The following CORO1A variants were observed in gnomAD, a reference collection of about 807,000 sequenced individuals.
The protein encoded by CORO1A is coronin-1A.
In CORO1A, 17 loss-of-function variants were observed where a neutral mutation model predicts 44.1. The observed-to-expected ratio is 0.39, with a 90% CI of 0.26 to 0.58. The LOEUF (loss-of-function observed/expected upper bound fraction) is 0.58, where lower values mean the gene tolerates loss of function less well. CORO1A is among the 20% of genes least tolerant of loss of function. The probability of loss-of-function intolerance (pLI) is 0.62; values close to 1 mark genes in which losing one functional copy is unlikely to be tolerated. For synonymous variants in CORO1A, 271 were observed against 244.2 expected (o/e 1.11, Z -1.02); for missense variants, 415 against 606.5 (o/e 0.68, Z 3.32).
At chr16:30,185,524 C>A in intron 2 of CORO1A, 117 bp downstream of exon 2, 1 of 860,982 alleles carries the variant, frequency 1.2e-6, no homozygotes, top group Non-Finnish European at 1.8e-6. Context: ...ATCTGGAAAA[C>A]TGAGCTGGGC....
At position 30,187,143 on chromosome 16, in the gene CORO1A, C is replaced by T; in HGVS notation, c.556C>T (p.Arg186Ter). ...PDTIYSVDWS[R>*]DGGLICTSCR... is the part of the protein sequence containing the mutation. ...CACGATCTACAGTGTGGACTGGAGC[C>T]GAGATGGAGGCCTCATTTGTACCTC... Residue 186 changes from arginine to a stop codon, truncating the protein, a stop_gained, in exon 5 of 11, where the codon CGA becomes TGA. Transcript: ENST00000219150. LOFTEE classifies it high-confidence loss of function. The T allele has an allele frequency of 6.2e-7, 1 of 1,614,052 alleles. No individual in the cohort carries two copies. The highest frequency in any genetic ancestry group is 8.5e-7 in the Non-Finnish European group (1 of 1,180,006).
rs2073358593 is a variant in CORO1A, at chr16:30,187,712, C to T, written c.757-13C>T. Reference sequence around the variant, plus strand: ...CCAGGGCCTGGGATGTTACCTCTCACCTGTGTCTACAGAAGCACCTGGAGG... The same window carrying T: ...CCAGGGCCTGGGATGTTACCTCTCATCTGTGTCTACAGAAGCACCTGGAGG... On this transcript the variant is annotated splice_polypyrimidine_tract_variant and intron_variant, in intron 6 of 10. Coordinates refer to ENST00000219150, the MANE Select transcript of CORO1A (RefSeq NM_007074.4). 1.9e-6 allele frequency: 3 copies of T among 1,597,336 alleles called. No individual in the cohort carries two copies. The highest frequency in any genetic ancestry group is 2.6e-6 in the Non-Finnish European group (3 of 1,166,210).
At position 30,183,778 on chromosome 16, in the gene CORO1A, G is replaced by A. The variant is rs1296710055; in HGVS notation, c.-2+53G>A. The A allele has an allele frequency of 6.6e-6, 1 of 151,666 alleles. No individual in the cohort carries two copies. The highest frequency in any genetic ancestry group is 1.5e-5 in the Non-Finnish European group (1 of 67,906). 9.4% of individuals were successfully genotyped at this position (151,666 alleles called of 1,614,324 possible). ...GGGCCGGGGCGAGGGCCACCTGTGG[G>A]GCGGCGCGCGCGTGGGAGCCGCGGG... On this transcript the variant is annotated intron_variant, in intron 1 of 10. Coordinates refer to ENST00000219150, the MANE Select transcript of CORO1A (RefSeq NM_007074.4). The surrounding 1 kb of genome is among the most constrained non-coding windows in gnomAD (Gnocchi z 5.0).
In CORO1A at chr16:30,187,209, G is replaced by C; in HGVS notation, c.622G>C (p.Gly208Arg). 1 of 1,612,842 alleles carries C rather than the reference G, an allele frequency of 6.2e-7. No homozygotes were observed. Among genetic ancestry groups the C allele is most frequent in the Non-Finnish European group, 8.5e-7 (1 of 1,180,026 alleles). The change falls in exon 5 of 11, where the codon GGC (glycine) becomes CGC (arginine). Residue 208 changes from glycine (G) to arginine (R), a missense_variant. This residue lies in a region of CORO1A where 325 missense variants were observed against 521.7 expected (regional missense o/e 0.62). Transcript: ENST00000219150. Reference sequence around the variant, plus strand: ...CGTGCGCATCATCGAGCCCCGCAAAGGCACTGTCGTAGCTGTGAGTCGCCA... The same window carrying C: ...CGTGCGCATCATCGAGCCCCGCAAACGCACTGTCGTAGCTGTGAGTCGCCA... ...KRVRIIEPRK[G>R]TVVAEKDRPH...
chr16:30,187,862 T>C, intron 7 of CORO1A, 33 bp downstream of exon 7: 2 of 140,630 alleles, frequency 1.4e-5, no homozygotes, highest in African/African-American at 1.5e-4. Flanking sequence ...GGGTGGGAGG[T>C]GGGCAGGATG....
intron 2 of CORO1A, chr16:30,185,631 C>T: frequency 1.7e-6 from 1 of 595,722 alleles, no homozygotes. Flanking sequence ...ACACCAGTGA[C>T]CAGGACTACA....
At position 30,185,323 on chromosome 16, in the gene CORO1A, C is replaced by T; in HGVS notation, c.114C>T (p.Gly38=). 6.2e-7 allele frequency: 1 copy of T among 1,614,218 alleles called. No individual in the cohort carries two copies. Residue 38 remains glycine (G), a synonymous_variant, in exon 2 of 11, where the codon GGC becomes GGT. Coordinates refer to ENST00000219150, the MANE Select transcript of CORO1A (RefSeq NM_007074.4). ...VRVSQTTWDS[G]FCAVNPKFVA... ...TCTCACAGACCACCTGGGACAGTGG[C>T]TTCTGTGCTGTCAACCCTAAGTTTG... is the stretch of plus-strand genomic sequence containing the variant.
intron 1 of CORO1A, 38 bp from the exon 2 acceptor site, chr16:30,185,171 C>A: frequency 6.2e-7 from 1 of 1,605,894 alleles, no homozygotes; most frequent in Non-Finnish European, 8.5e-7. Context: ...TCAGAGTTGA[C>A]CTGAAGGGAG....
chr16:30,187,506 G>T lies in CORO1A; in HGVS notation c.756+5G>T. 1 of 1,602,408 alleles carries T rather than the reference G, an allele frequency of 6.2e-7. No homozygotes were observed. ...CAGGTGGCGCTGTGGGACACAGTGA[G>T]TGCTGGGGCAGGAAGCCGAGGGCCC... On this transcript the variant is annotated splice_donor_5th_base_variant and intron_variant, in intron 6 of 10. Coordinates refer to ENST00000219150, the MANE Select transcript of CORO1A (RefSeq NM_007074.4).
At chr16:30,186,475 G>C in intron 2 of CORO1A, 123 bp from the exon 3 acceptor site, 47 of 1,097,050 alleles carry the variant, frequency 4.3e-5, no homozygotes, top group Non-Finnish European at 6.1e-5. Flanking sequence ...CCCCACCCCA[G>C]GCCCTGGTCC....
rs988696798 is a variant in CORO1A, at chr16:30,184,828, C to T, written c.-1-381C>T. ...CTGGACACGGTAACTAAGAGAGAAC[C>T]CACCCTCGGAGCCATCTGGGCTGAT... On this transcript the variant is annotated intron_variant, in intron 1 of 10. Coordinates refer to ENST00000219150, the MANE Select transcript of CORO1A (RefSeq NM_007074.4). The surrounding 1 kb of genome is among the most constrained non-coding windows in gnomAD (Gnocchi z 4.3). The T allele has an allele frequency of 2.8e-6, 1 of 352,106 alleles. No homozygotes were observed. The highest frequency in any genetic ancestry group is 2.1e-5 in the African/African-American group (1 of 47,232). 21.8% of individuals were successfully genotyped at this position (352,106 alleles called of 1,614,324 possible).
Position 30,185,392 on chromosome 16 carries a change from G to A in CORO1A, c.183G>A (p.Val61=), listed in dbSNP as rs752458456. ...CEASGGGAFL[V]LPLGKTGRVD... ...CCAGCGGGGGAGGGGCCTTCCTGGT[G>A]CTGCCCCTGGGCAAGGTGAGCCCCT... Residue 61 remains valine (V), a synonymous_variant, in exon 2 of 11, where the codon GTG becomes GTA. Coordinates refer to ENST00000219150, the MANE Select transcript of CORO1A (RefSeq NM_007074.4). The A allele has an allele frequency of 2.5e-6, 4 of 1,613,600 alleles. No homozygotes were observed. In the South Asian group the frequency reaches 3.3e-5, roughly 13 times the overall value.
chr16:30,187,859 A>AGGGGGGGGGGGGGGGGGGGGGGGGGG, intron 7 of CORO1A, 30 bp downstream of exon 7: 1 of 215,460 alleles, frequency 4.6e-6, no homozygotes, highest in Non-Finnish European at 6.7e-6. Context: ...TGGGGGTGGG[A>AGGGGGGGGGGGGGGGGGGGGGGGGGG]GGTGGGCAGG....
chr16:30,186,836 G>C lies in CORO1A; in HGVS notation c.342G>C (p.Gly114=). 1 of 1,611,326 alleles carries C rather than the reference G, an allele frequency of 6.2e-7. No individual in the cohort carries two copies. Among genetic ancestry groups the C allele is most frequent in the Non-Finnish European group, 8.5e-7 (1 of 1,179,996 alleles). The part of the protein sequence containing the change: ...CTVMVWEIPD[G]GLMLPLREPV... ...TGCAGGTGTGGGAGATCCCAGATGG[G>C]GGCCTGATGCTGCCCCTGCGGGAGC... The change falls in exon 4 of 11, where the codon GGG becomes GGC. Residue 114 remains glycine (G), a synonymous_variant. Transcript: ENST00000219150.
Position 30,186,959 on chromosome 16 carries a change from A to AGGGGCTT in CORO1A, c.451+19_451+25dup, listed in dbSNP as rs777989372. On this transcript the variant is annotated intron_variant, in intron 4 of 10. Coordinates refer to ENST00000219150, the MANE Select transcript of CORO1A (RefSeq NM_007074.4). ...TGCTCAGTGCAGGTGCTGCGGGAGGAGGGGCTTGGGGGTGGCTCGTGGCCT... is the reference window on the plus strand; with the variant it reads ...TGCTCAGTGCAGGTGCTGCGGGAGGAGGGGCTTGGGGCTTGGGGGTGGCTCGTGGCCT... The AGGGGCTT allele has an allele frequency of 5.0e-6, 8 of 1,612,602 alleles. No individual in the cohort carries two copies.
chr16:30,187,588 G>T, intron 6 of CORO1A, 87 bp downstream of exon 6: 3 of 1,531,786 alleles, frequency 2.0e-6, no homozygotes, highest in Non-Finnish European at 2.7e-6. Flanking sequence ...CACCTGGCAG[G>T]ATGGCCATGG....
intron 1 of CORO1A, 136 bp from the exon 2 acceptor site, chr16:30,185,073 G>A: frequency 1.2e-6 from 1 of 833,144 alleles, no homozygotes. Flanking sequence ...AGCCACAGAG[G>A]GAAGAATAGG....
rs2073310985 is a variant in CORO1A at position 30,184,558 on chromosome 16, G to C, written c.-1-651G>C. The C allele has an allele frequency of 6.1e-6, 1 of 162,936 alleles. No homozygotes were observed. Among genetic ancestry groups the C allele is most frequent in the African/African-American group, 2.4e-5 (1 of 41,504 alleles). 10.1% of individuals were successfully genotyped at this position (162,936 alleles called of 1,614,324 possible). A position where few individuals can be genotyped will look rare whatever the true frequency, so the allele number is the denominator to read the frequency against. The stretch of plus-strand genomic sequence containing the variant: ...TCCCTTCCTGTGTGCAGTTTACATG[G>C]GGGTGGAGATGGCTCTTAAGGGCAC... On this transcript the variant is annotated intron_variant, in intron 1 of 10. Coordinates refer to ENST00000219150, the MANE Select transcript of CORO1A (RefSeq NM_007074.4). The surrounding 1 kb of genome is among the most constrained non-coding windows in gnomAD (Gnocchi z 4.3).
rs747458733 is a variant in CORO1A at position 30,188,240 on chromosome 16, G to T, written c.1056G>T (p.Val352=). ...GGTGTGAGCCCATTGCCATGACAGT[G>T]CCTCGAAAGGTGATGCTCCCCCGCC... ...ERRCEPIAMT[V]PRKSDLFQED... Residue 352 remains valine (V), a synonymous_variant, in exon 9 of 11, where the codon GTG becomes GTT. Coordinates refer to ENST00000219150, the MANE Select transcript of CORO1A (RefSeq NM_007074.4). 34 of 1,613,964 alleles carry T rather than the reference G, an allele frequency of 2.1e-5. 1 individual carries two copies. Among genetic ancestry groups the T allele is most frequent in the Non-Finnish European group, 2.8e-5 (33 of 1,180,006 alleles).
Sources: gnomAD v4.1 joint callset for allele counts on GRCh38, gnomAD v4.1.1 for gene constraint, gnomAD v4.1.1 regional missense constraint, Gnocchi (gnomAD v3.1) non-coding constraint, MANE v1.5 for transcripts, NCBI Gene and HGNC (gene_info 2026-07-23, HGNC 2026-07-21) for gene names.